APLP2: variants seen among roughly 807,000 people sequenced by gnomAD.
APLP2 encodes the protein CDEI box-binding protein.
APLP2 carries 53 observed loss-of-function variants against 89.9 expected under a neutral mutation model. The ratio of observed to expected loss-of-function variants is 0.59; its 90% CI spans 0.47 to 0.74. The LOEUF is 0.74. Among genes scored for constraint, APLP2 ranks in the 30% least tolerant of loss-of-function variants. The pLI, the probability that APLP2 is intolerant of heterozygous loss-of-function variation, is 0.00. For missense variants in APLP2, 973 were observed against 975.9 expected, an observed-to-expected ratio of 1.00 and a Z score of 0.04; for synonymous variants, 372 against 348.6, an observed-to-expected ratio of 1.07 and a Z score of -0.75.
chr11:130,079,168 T>A (rs1240077335), intron 1 of APLP2, among the ~76,000 whole-genome samples: 1 of 152,020 alleles, frequency 6.6e-6, no homozygotes, highest in African/African-American at 2.4e-5. Flanking sequence ...GTGCAGTCTC[T>A]GCTCACTGCA....
chr11:130,112,802 T>C (rs1341648616), intron 3 of APLP2, among the ~76,000 whole-genome samples: 1 of 152,186 alleles, frequency 6.6e-6, no homozygotes, highest in Non-Finnish European at 1.5e-5. Context: ...CTCCTTAGCG[T>C]GGCTTCAAAA....
At position 130,122,416 on chromosome 11, in the gene APLP2, T is replaced by C. The variant is rs1382645460; in HGVS notation, c.825T>C (p.Tyr275=). The C allele has an allele frequency of 6.2e-7, 1 of 1,614,140 alleles. No individual in the cohort carries two copies. The highest frequency in any genetic ancestry group is 2.2e-5 in the East Asian group (1 of 44,890). The change falls in exon 6 of 17, where the codon TAT becomes TAC. Residue 275 remains tyrosine, a synonymous_variant. Transcript: ENST00000338167. ...EEVVEDRDYY[Y]DTFKGDDYNE... ...TGGTGGAGGACCGAGATTACTACTA[T>C]GACACCTTCAAAGGAGATGACTACA...
At chr11:130,083,026 CTTTTTTTTT>C (rs553962550) in intron 1 of APLP2, among the ~76,000 whole-genome samples, 8 of 72,524 alleles carry the variant, frequency 1.1e-4, no homozygotes, top group African/African-American at 2.5e-4. Context: ...CTTTTCTTTT[CTTTTTTTTT>C]TTTTTTTTTT....
At chr11:130,132,602 GC>G in intron 11 of APLP2, among the ~76,000 whole-genome samples, 1 of 139,418 alleles carries the variant, frequency 7.2e-6, no homozygotes, top group Non-Finnish European at 1.5e-5. Flanking sequence ...ACTTCTAATG[GC>G]CTTTTTTTTT....
intron 1 of APLP2, among the ~76,000 whole-genome samples, chr11:130,081,575 G>A (rs1943159027): frequency 6.6e-6 from 1 of 152,024 alleles, no homozygotes; most frequent in Non-Finnish European, 1.5e-5. Flanking sequence ...TCAATTATGT[G>A]GAAAAAAATT....
intron 1 of APLP2, among the ~76,000 whole-genome samples, chr11:130,098,403 CAA>C (rs202146814): frequency 1.1e-4 from 11 of 103,950 alleles, no homozygotes; most frequent in Admixed American, 1.0e-4. Context: ...GACTCCGTCT[CAA>C]AAAAAAAAAA....
intron 5 of APLP2, among the ~76,000 whole-genome samples, chr11:130,122,104 G>A (rs566832297): frequency 6.6e-6 from 1 of 152,216 alleles, no homozygotes; most frequent in African/African-American, 2.4e-5. Context: ...TCTTATTGTT[G>A]TATCATGATT....
chr11:130,072,639 G>A (rs1326511461), intron 1 of APLP2, among the ~76,000 whole-genome samples: 1 of 152,114 alleles, frequency 6.6e-6, no homozygotes, highest in Admixed American at 6.6e-5. Context: ...ACCACGCCCA[G>A]CTAATTTTTG....
chr11:130,119,505 C>G (rs375173796), intron 3 of APLP2, among the ~76,000 whole-genome samples: 1 of 152,216 alleles, frequency 6.6e-6, no homozygotes, highest in South Asian at 2.1e-4. Flanking sequence ...ACCATCAGTT[C>G]ATGAGCCACT....
At chr11:130,084,248 A>G (rs1021610700) in intron 1 of APLP2, among the ~76,000 whole-genome samples, 10 of 152,020 alleles carry the variant, frequency 6.6e-5, no homozygotes, top group Non-Finnish European at 1.3e-4. Context: ...TCCGTCTCAA[A>G]AAAAAAAAAA....
chr11:130,128,559 C>A (rs963753034), intron 9 of APLP2, among the ~76,000 whole-genome samples: 1 of 152,176 alleles, frequency 6.6e-6, no homozygotes. Flanking sequence ...CTGGATACCT[C>A]ACGGATAACT....
In APLP2 at chr11:130,135,557, CA is replaced by C. The variant is rs774757944; in HGVS notation, c.1685-5del. On this transcript the variant is annotated splice_polypyrimidine_tract_variant and splice_region_variant and intron_variant, in intron 12 of 16. Coordinates refer to ENST00000338167, the MANE Select transcript of APLP2 (RefSeq NM_001142276.2). Reference sequence around the variant, plus strand: ...TGCTTTCTGTCCCCTGCCCTGTCTTCATCAGATGAGCTCCTTCAGGAGCAGC... The same window carrying C: ...TGCTTTCTGTCCCCTGCCCTGTCTTCTCAGATGAGCTCCTTCAGGAGCAGC... 4.2e-5 allele frequency: 67 copies of C among 1,613,828 alleles called. No individual in the cohort carries two copies. In the African/African-American group the frequency reaches 8.4e-4, roughly 20 times the overall value.
intron 1 of APLP2, chr11:130,070,688 C>G (rs2135268848): frequency 6.8e-7 from 1 of 1,477,920 alleles, no homozygotes; most frequent in South Asian, 1.3e-5. Flanking sequence ...GGGTCGCGGA[C>G]GCGCATTTTT....
intron 1 of APLP2, among the ~76,000 whole-genome samples, chr11:130,095,073 A>G (rs573861523): frequency 1.3e-5 from 2 of 150,622 alleles, no homozygotes; most frequent in Non-Finnish European, 2.9e-5. Flanking sequence ...AGATGCCTAG[A>G]AAGGAATTGT....
At chr11:130,138,311 A>G (rs181818333) in intron 13 of APLP2, among the ~76,000 whole-genome samples, 105 of 152,328 alleles carry the variant, frequency 6.9e-4, no homozygotes, top group Non-Finnish European at 1.2e-3. Flanking sequence ...TCTGAAAATG[A>G]CTTCGTGTAG....
intron 1 of APLP2, among the ~76,000 whole-genome samples, chr11:130,093,093 A>G (rs929524917): frequency 3.3e-5 from 5 of 152,176 alleles, no homozygotes; most frequent in East Asian, 3.9e-4. Context: ...GGCCCAGCAG[A>G]AGGTGAGGGA....
chr11:130,136,696 A>G (rs1951656684), intron 13 of APLP2, among the ~76,000 whole-genome samples: 2 of 152,218 alleles, frequency 1.3e-5, no homozygotes, highest in South Asian at 4.1e-4. Flanking sequence ...TTGACTCTCC[A>G]GAAATAAAAC....
chr11:130,143,576 A>G lies in APLP2; in HGVS notation c.*128A>G. Reference sequence around the variant, plus strand: ...CTGACATCCTGACCTCCTGGACTGTAGGACTATATAAAGTACTACTGTAGA... The same window carrying G: ...CTGACATCCTGACCTCCTGGACTGTGGGACTATATAAAGTACTACTGTAGA... On this transcript the variant is annotated 3_prime_UTR_variant, in exon 17 of 17. Transcript: ENST00000338167. The G allele has an allele frequency of 1.4e-6, 1 of 730,418 alleles. No individual in the cohort carries two copies. Among genetic ancestry groups the G allele is most frequent in the Non-Finnish European group, 2.4e-6 (1 of 419,408 alleles). 45.2% of individuals were successfully genotyped at this position (730,418 alleles called of 1,614,324 possible).
chr11:130,088,523 C>CA (rs1172556047), intron 1 of APLP2, among the ~76,000 whole-genome samples: 2 of 151,996 alleles, frequency 1.3e-5, no homozygotes, highest in Non-Finnish European at 2.9e-5. Flanking sequence ...ACCAGATACT[C>CA]ATGCTTGCTC....
Sources: allele counts gnomAD v4.1 joint callset (sites outside exome capture counted in the v4.1 genomes callset), GRCh38; gene constraint gnomAD v4.1.1; transcripts MANE v1.5; gene names NCBI Gene and HGNC (gene_info 2026-07-23, HGNC 2026-07-21).